Variants in MAML2 observed in about 807,000 individuals in gnomAD.
MAML2 encodes the protein mastermind-like protein 2.
In MAML2, 22 loss-of-function variants were observed where a neutral mutation model predicts 96.1. The observed-to-expected ratio is 0.23, with a 90% CI of 0.16 to 0.33. The LOEUF (loss-of-function observed/expected upper bound fraction) is 0.33, where lower values mean the gene tolerates loss of function less well. Among genes scored for constraint, MAML2 ranks in the 10% least tolerant of loss-of-function variants. The pLI, the probability that MAML2 is intolerant of heterozygous loss-of-function variation, is 1.00. For missense variants in MAML2, 1,367 were observed against 1,392.4 expected (o/e 0.98, Z 0.29); for synonymous variants, 561 against 521.3 (o/e 1.08, Z -1.04).
intron 2 of MAML2, among the ~76,000 whole-genome samples, chr11:96,007,756 C>G (rs1023335723): frequency 1.3e-5 from 2 of 151,818 alleles, no homozygotes; most frequent in African/African-American, 2.4e-5. Context: ...AAGTAACATT[C>G]TCAGTAAACT....
chr11:96,166,925 C>G (rs79719047), intron 1 of MAML2, among the ~76,000 whole-genome samples: 15,348 of 152,250 alleles, frequency 0.1, 968 homozygotes, highest in Middle Eastern at 0.2. Flanking sequence ...TCCCTTTATG[C>G]ACTTTTCCTG....
chr11:96,292,049 C>T (rs1162358263), intron 1 of MAML2, among the ~76,000 whole-genome samples: 1 of 152,194 alleles, frequency 6.6e-6, no homozygotes, highest in African/African-American at 2.4e-5. Context: ...TGTCTCATAA[C>T]TTAGCAAATG....
At chr11:96,248,136 A>T (rs1221583453) in intron 1 of MAML2, among the ~76,000 whole-genome samples, 1 of 140,916 alleles carries the variant, frequency 7.1e-6, no homozygotes, top group Non-Finnish European at 1.5e-5. Context: ...TTTTTGAGAC[A>T]GTCTGGCTCT....
At chr11:96,041,641 C>A (rs182148587) in intron 2 of MAML2, among the ~76,000 whole-genome samples, 7 of 151,930 alleles carry the variant, frequency 4.6e-5, no homozygotes, top group East Asian at 1.9e-4. Flanking sequence ...TGTTCCATTG[C>A]GTTTCAGTCA....
intron 1 of MAML2, among the ~76,000 whole-genome samples, chr11:96,140,229 AT>A (rs1379868816): frequency 1.3e-5 from 2 of 152,258 alleles, no homozygotes; most frequent in Non-Finnish European, 2.9e-5. Flanking sequence ...AAGAAAATTA[AT>A]TGCTTACCCT....
intron 1 of MAML2, among the ~76,000 whole-genome samples, chr11:96,322,341 C>T (rs1863714418): frequency 6.6e-6 from 1 of 152,100 alleles, no homozygotes; most frequent in South Asian, 2.1e-4. Context: ...TGGGCTCAAA[C>T]CTGAACTGCA....
chr11:96,334,608 A>T (rs1032482409), intron 1 of MAML2, among the ~76,000 whole-genome samples: 1 of 152,224 alleles, frequency 6.6e-6, no homozygotes, highest in East Asian at 1.9e-4. Context: ...TCCCGTCTAC[A>T]CTGTAAATTC....
intron 2 of MAML2, among the ~76,000 whole-genome samples, chr11:96,019,951 C>T (rs1053057314): frequency 2.6e-5 from 4 of 152,150 alleles, no homozygotes; most frequent in African/African-American, 9.7e-5. Flanking sequence ...CCCTCTGAGT[C>T]TCCTAGCTCT....
intron 1 of MAML2, among the ~76,000 whole-genome samples, chr11:96,298,554 T>C (rs1042520235): frequency 6.6e-6 from 1 of 151,872 alleles, no homozygotes; most frequent in African/African-American, 2.4e-5. Flanking sequence ...TTGCTAAGAG[T>C]GCTGGGTTAT....
At chr11:96,184,533 C>A (rs552833769) in intron 1 of MAML2, among the ~76,000 whole-genome samples, 2 of 151,448 alleles carry the variant, frequency 1.3e-5, no homozygotes, top group African/African-American at 4.8e-5. Flanking sequence ...TAATTCAGAG[C>A]CTATGGATTA....
At chr11:96,300,670 C>A (rs1272369915) in intron 1 of MAML2, among the ~76,000 whole-genome samples, 2 of 152,066 alleles carry the variant, frequency 1.3e-5, no homozygotes, top group Admixed American at 6.5e-5. Context: ...ATGGAAAGCA[C>A]TGGAAGAGAA....
chr11:96,003,290 C>G (rs1178548830), intron 2 of MAML2, among the ~76,000 whole-genome samples: 2 of 152,088 alleles, frequency 1.3e-5, no homozygotes, highest in African/African-American at 2.4e-5. Flanking sequence ...AGTATTAATA[C>G]TTCTCATTTT....
chr11:96,046,154 G>C (rs908396998), intron 2 of MAML2, among the ~76,000 whole-genome samples: 2 of 152,048 alleles, frequency 1.3e-5, no homozygotes, highest in African/African-American at 2.4e-5. Flanking sequence ...AGCAGGCAGG[G>C]GGCAGGAGGG....
At chr11:96,056,901 G>A (rs754393115) in intron 2 of MAML2, among the ~76,000 whole-genome samples, 4 of 152,188 alleles carry the variant, frequency 2.6e-5, no homozygotes, top group Non-Finnish European at 5.9e-5. Flanking sequence ...AAGTGCTTTA[G>A]ACAAAGGCAA....
At chr11:96,029,524 G>A (rs915919408) in intron 2 of MAML2, among the ~76,000 whole-genome samples, 7 of 152,102 alleles carry the variant, frequency 4.6e-5, no homozygotes, top group South Asian at 4.1e-4. Context: ...ATGCCTTCCT[G>A]TGAACAAAAT....
chr11:96,091,852 G>C (rs755344177), intron 2 of MAML2, 40 bp downstream of exon 2: 1 of 1,584,082 alleles, frequency 6.3e-7, no homozygotes, highest in South Asian at 1.2e-5. Context: ...AAGCTAAATG[G>C]TCTCTGGGAA....
At chr11:96,134,783 T>C (rs1839095207) in intron 1 of MAML2, among the ~76,000 whole-genome samples, 1 of 152,214 alleles carries the variant, frequency 6.6e-6, no homozygotes, top group South Asian at 2.1e-4. Context: ...ATGGTTACCA[T>C]GGAAAGTCAT....
At chr11:95,980,873 C>G (rs1200549720) in intron 4 of MAML2, among the ~76,000 whole-genome samples, 1 of 152,216 alleles carries the variant, frequency 6.6e-6, no homozygotes, top group Admixed American at 6.5e-5. Context: ...AGACAAGGGT[C>G]TCCCCCACGC....
chr11:96,015,147 C>T (rs377612030), intron 2 of MAML2, among the ~76,000 whole-genome samples: 27 of 152,110 alleles, frequency 1.8e-4, no homozygotes, highest in East Asian at 5.8e-4. Flanking sequence ...CCATAATATC[C>T]GAAAAGAAAT....
Sources: gnomAD v4.1 joint callset for allele counts (sites outside exome capture counted in the v4.1 genomes callset) on GRCh38, gnomAD v4.1.1 for gene constraint, MANE v1.5 for transcripts, NCBI Gene and HGNC (gene_info 2026-07-23, HGNC 2026-07-21) for gene names.